Variants in LARGE1 observed in about 807,000 individuals in gnomAD.
LARGE1 encodes xylosyl- and glucuronyltransferase LARGE1.
In LARGE1, 43 loss-of-function variants were observed where a neutral mutation model predicts 87.6. That is an observed-to-expected ratio of 0.49 (90% CI 0.38 to 0.63). LARGE1 has a LOEUF of 0.63. LARGE1 is among the 30% of genes least tolerant of loss of function. The pLI is 0.00. For missense variants in LARGE1, 802 were observed against 1,000.2 expected, an observed-to-expected ratio of 0.80 and a Z score of 2.67; for synonymous variants, 434 against 394.6, an observed-to-expected ratio of 1.10 and a Z score of -1.18.
intron 2 of LARGE1, among the ~76,000 whole-genome samples, chr22:33,754,632 G>A (rs996157156): frequency 1.1e-4 from 16 of 152,096 alleles, no homozygotes; most frequent in Admixed American, 1.3e-4. Flanking sequence ...CACCGTGCCC[G>A]GCCAGCTCTT....
chr22:33,624,351 T>C (rs541603134), intron 4 of LARGE1, among the ~76,000 whole-genome samples: 54 of 152,260 alleles, frequency 3.5e-4, no homozygotes, highest in African/African-American at 1.1e-3. Flanking sequence ...ATATAAAATA[T>C]AATGTAATAA....
rs1041177021 is a variant in LARGE1, at chr22:33,337,801, C to T, written c.1132G>A (p.Val378Ile). ...QCYRDVSDLK[V>I]IHWNSPKKLR... ...TTCTTGGGGGAGTTCCAGTGAATGA[C>T]CTGGCAGGGAGATAAGGAAGTGGTC... The change falls in exon 10 of 15, where the codon GTC becomes ATC. Residue 378 changes from valine to isoleucine, a missense_variant and splice_region_variant. Transcript: ENST00000397394. 6.8e-6 allele frequency: 11 copies of T among 1,614,150 alleles called. 1 individual carries two copies. The South Asian group carries it at 1.2e-4, about 18-fold the overall frequency.
intron 6 of LARGE1, among the ~76,000 whole-genome samples, chr22:33,457,744 T>C (rs1054815108): frequency 6.6e-6 from 1 of 152,158 alleles, no homozygotes; most frequent in Non-Finnish European, 1.5e-5. Context: ...GAGGCAGCAT[T>C]TGTGTTGGGT....
chr22:33,475,940 A>G (rs1227326094), intron 6 of LARGE1, among the ~76,000 whole-genome samples: 1 of 152,222 alleles, frequency 6.6e-6, no homozygotes, highest in Non-Finnish European at 1.5e-5. Flanking sequence ...CAAAATCACT[A>G]AGCCAAAGAT....
chr22:33,752,482 C>T (rs890607705), intron 2 of LARGE1, among the ~76,000 whole-genome samples: 3 of 152,134 alleles, frequency 2.0e-5, no homozygotes, highest in African/African-American at 7.2e-5. Context: ...AAAACCTTAA[C>T]GCATCATCAG....
chr22:33,144,807 G>C, the LARGE1 span, among the ~76,000 whole-genome samples: 1 of 152,058 alleles, frequency 6.6e-6, no homozygotes, highest in Non-Finnish European at 1.5e-5. Flanking sequence ...ACATAGAATA[G>C]GAAATGGGCA....
At chr22:33,418,745 T>C (rs2066587869) in intron 7 of LARGE1, among the ~76,000 whole-genome samples, 1 of 152,122 alleles carries the variant, frequency 6.6e-6, no homozygotes, top group African/African-American at 2.4e-5. Context: ...GAGGAGGGGC[T>C]GTGGATACGG....
At chr22:33,189,517 C>T (rs768785611) in intron 11 of LARGE1, among the ~76,000 whole-genome samples, 3 of 152,106 alleles carry the variant, frequency 2.0e-5, no homozygotes, top group Non-Finnish European at 4.4e-5. Flanking sequence ...CTTTTTATTG[C>T]GCTGCTTTCT....
chr22:33,162,241 G>C (rs1922054168), exon 12 of LARGE1: 1 of 152,242 alleles, frequency 6.6e-6, no homozygotes. Context: ...ATAAAGAAAA[G>C]AGGTTTAATT....
intron 7 of LARGE1, among the ~76,000 whole-genome samples, chr22:33,429,653 A>G (rs2067007824): frequency 6.6e-6 from 1 of 152,182 alleles, no homozygotes; most frequent in African/African-American, 2.4e-5. Context: ...TCTATGTGAC[A>G]TTTTCTATTA....
At chr22:33,811,285 C>G (rs193253935) in intron 1 of LARGE1, among the ~76,000 whole-genome samples, 1 of 152,260 alleles carries the variant, frequency 6.6e-6, no homozygotes, top group African/African-American at 2.4e-5. Context: ...AGCACAGTAG[C>G]CTGAGCAACA....
chr22:33,460,649 G>T (rs1310890894), intron 6 of LARGE1, among the ~76,000 whole-genome samples: 1 of 152,134 alleles, frequency 6.6e-6, no homozygotes, highest in African/African-American at 2.4e-5. Context: ...CCTGAACTGG[G>T]GAGCCTGCCT....
intron 6 of LARGE1, among the ~76,000 whole-genome samples, chr22:33,543,380 T>A (rs2077266611): frequency 6.6e-6 from 1 of 152,164 alleles, no homozygotes; most frequent in Non-Finnish European, 1.5e-5. Flanking sequence ...AGGCTGCAGA[T>A]ACCACCTTTT....
chr22:33,467,916 C>T (rs555403026), intron 6 of LARGE1, among the ~76,000 whole-genome samples: 18 of 152,258 alleles, frequency 1.2e-4, no homozygotes, highest in East Asian at 5.8e-4. Flanking sequence ...CAGTGGAGTG[C>T]CTGACCAAGC....
At chr22:33,524,367 C>G (rs779709026) in intron 6 of LARGE1, among the ~76,000 whole-genome samples, 6 of 152,058 alleles carry the variant, frequency 3.9e-5, no homozygotes, top group Admixed American at 1.3e-4. Flanking sequence ...ACTCCTGGCA[C>G]TCACCAATAT....
chr22:33,203,847 C>G (rs926031035), intron 11 of LARGE1, among the ~76,000 whole-genome samples: 2 of 152,040 alleles, frequency 1.3e-5, no homozygotes, highest in Non-Finnish European at 2.9e-5. Flanking sequence ...ACTCCCCGGA[C>G]CTTACCCTGG....
At chr22:33,613,326 C>T (rs932965749) in intron 4 of LARGE1, among the ~76,000 whole-genome samples, 9 of 152,154 alleles carry the variant, frequency 5.9e-5, no homozygotes, top group African/African-American at 2.2e-4. Flanking sequence ...GGCACAAGCA[C>T]ATGAAAATAC....
intron 2 of LARGE1, among the ~76,000 whole-genome samples, chr22:33,707,956 T>C (rs240090): frequency 0.013 from 2,007 of 152,178 alleles, 43 homozygotes; most frequent in African/African-American, 0.046. Flanking sequence ...ACCCAGGATA[T>C]GGACATCTGT....
Position 33,385,057 on chromosome 22 carries a change from A to G in LARGE1, c.893-753T>C, listed in dbSNP as rs144628717. Among the ~76,000 whole-genome samples the G allele has an allele frequency of 7.3e-4, 109 of 148,790 alleles. 7 individuals are homozygous for G. In the East Asian group the frequency reaches 0.013, roughly 18 times the overall value. ...GATTTCAAGAGGGTCTTTTTGGCCCATCCACGCTGGGTCTTTAAGGTGAGC... is the reference window on the plus strand; with the variant it reads ...GATTTCAAGAGGGTCTTTTTGGCCCGTCCACGCTGGGTCTTTAAGGTGAGC... On this transcript the variant is annotated intron_variant, in intron 7 of 14. Transcript: ENST00000397394.
Sources: allele counts gnomAD v4.1 joint callset (sites outside exome capture counted in the v4.1 genomes callset), GRCh38; gene constraint gnomAD v4.1.1; transcripts MANE v1.5; gene names NCBI Gene and HGNC (gene_info 2026-07-23, HGNC 2026-07-21).